The following BCL11B variants were observed in gnomAD, a reference collection of about 807,000 sequenced individuals.
BCL11B encodes B-cell lymphoma/leukemia 11B.
In BCL11B, 8 loss-of-function variants were observed where a neutral mutation model predicts 49.9. That is an observed-to-expected ratio of 0.16 (90% CI 0.09 to 0.29). BCL11B has a LOEUF of 0.29. BCL11B is among the 10% of genes least tolerant of loss of function. The probability of loss-of-function intolerance (pLI) is 1.00; values close to 1 mark genes in which losing one functional copy is unlikely to be tolerated. For synonymous variants in BCL11B, 739 were observed against 637.4 expected, an observed-to-expected ratio of 1.16 and a Z score of -2.40; for missense variants, 1,006 against 1,351.0, an observed-to-expected ratio of 0.74 and a Z score of 4.00.
intron 2 of BCL11B, among the ~76,000 whole-genome samples, chr14:99,237,231 TTTTTC>T (rs944722719): frequency 2.0e-5 from 3 of 146,684 alleles, no homozygotes; most frequent in Non-Finnish European, 4.4e-5. Flanking sequence ...CATTTCTTTT[TTTTTC>T]TTTTTTTTTT....
intron 2 of BCL11B, among the ~76,000 whole-genome samples, chr14:99,252,634 T>C (rs1326754427): frequency 6.6e-6 from 1 of 152,222 alleles, no homozygotes; most frequent in African/African-American, 2.4e-5. Context: ...GGCAGGGACA[T>C]CGCAGCCAGG....
In BCL11B at chr14:99,172,935, G is replaced by C. The variant is rs1394391217; in HGVS notation, c.*1216C>G. On this transcript the variant is annotated 3_prime_UTR_variant, in exon 4 of 4. Coordinates refer to ENST00000357195, the MANE Select transcript of BCL11B (RefSeq NM_138576.4). Reference sequence around the variant, plus strand: ...TTTCAGTAAAAGAGAATAGAAATTTGCAAGATCCCCACCCCACCCATCCCT... The same window carrying C: ...TTTCAGTAAAAGAGAATAGAAATTTCCAAGATCCCCACCCCACCCATCCCT... 4.6e-6 allele frequency: 1 copy of C among 219,008 alleles called. No homozygotes were observed. The highest frequency in any genetic ancestry group is 2.2e-5 in the African/African-American group (1 of 44,662). The allele number at this position is 219,008 out of a possible 1,614,324, so 13.6% of individuals were successfully genotyped here.
intron 3 of BCL11B, among the ~76,000 whole-genome samples, chr14:99,189,423 C>T (rs1477294965): frequency 6.6e-6 from 1 of 152,254 alleles, no homozygotes. Flanking sequence ...ACACTACATG[C>T]ACACACACAT....
chr14:99,235,087 G>A lies in BCL11B; in HGVS notation c.428-3530C>T, dbSNP rs530281808. 3.3e-5 allele frequency among the ~76,000 whole-genome samples: 5 copies of A among 152,234 alleles called. No homozygotes were observed. The South Asian group carries it at 6.2e-4, about 19-fold the overall frequency. ...GCGAACACGCCCACCGCCGAGGAGC[G>A]TGGAGACACAAAAACGCCTGGAAAA... On this transcript the variant is annotated intron_variant, in intron 2 of 3. Coordinates refer to ENST00000357195, the MANE Select transcript of BCL11B (RefSeq NM_138576.4).
At chr14:99,263,539 T>C (rs983394927) in intron 1 of BCL11B, among the ~76,000 whole-genome samples, 1 of 152,204 alleles carries the variant, frequency 6.6e-6, no homozygotes, top group African/African-American at 2.4e-5. Flanking sequence ...CCATACCTTC[T>C]GGTCTACAGA....
intron 1 of BCL11B, among the ~76,000 whole-genome samples, chr14:99,268,827 C>T (rs1425104783): frequency 6.6e-6 from 1 of 152,200 alleles, no homozygotes; most frequent in Non-Finnish European, 1.5e-5. Context: ...CTCTCCACCT[C>T]TCTTCTCCTT....
At chr14:99,243,024 T>C (rs1888715773) in intron 2 of BCL11B, among the ~76,000 whole-genome samples, 1 of 152,208 alleles carries the variant, frequency 6.6e-6, no homozygotes, top group Non-Finnish European at 1.5e-5. Flanking sequence ...GCTTGCTGTA[T>C]GCATTCCTCC....
chr14:99,269,714 C>T (rs2139981085), intron 1 of BCL11B, among the ~76,000 whole-genome samples: 1 of 150,562 alleles, frequency 6.6e-6, no homozygotes, highest in African/African-American at 2.4e-5. Flanking sequence ...CGGCTCTCGG[C>T]CGCCCGGCAG....
At position 99,173,467 on chromosome 14, in the gene BCL11B, C is replaced by T. The variant is rs943524236; in HGVS notation, c.*684G>A. The T allele has an allele frequency of 1.8e-5, 4 of 216,312 alleles. No individual in the cohort carries two copies. The highest frequency in any genetic ancestry group is 3.7e-5 in the Non-Finnish European group (4 of 107,396). 13.4% of individuals were successfully genotyped at this position (216,312 alleles called of 1,614,324 possible). On this transcript the variant is annotated 3_prime_UTR_variant, in exon 4 of 4. Coordinates refer to ENST00000357195, the MANE Select transcript of BCL11B (RefSeq NM_138576.4). ...ACTCGGGACGACATGAGTGCTACATCTCCATTCCAGTTCTGAAACAAAGTG... is the reference window on the plus strand; with the variant it reads ...ACTCGGGACGACATGAGTGCTACATTTCCATTCCAGTTCTGAAACAAAGTG...
intron 3 of BCL11B, among the ~76,000 whole-genome samples, chr14:99,198,441 G>A (rs991110476): frequency 4.6e-5 from 7 of 152,136 alleles, no homozygotes; most frequent in African/African-American, 1.2e-4. Flanking sequence ...TTCCCACATC[G>A]CTAGAAGTGC....
chr14:99,267,300 G>T (rs1889511421), intron 1 of BCL11B, among the ~76,000 whole-genome samples: 1 of 151,868 alleles, frequency 6.6e-6, no homozygotes, highest in South Asian at 2.1e-4. Context: ...GAAAAGAAAA[G>T]AAATATGCAT....
intron 1 of BCL11B, among the ~76,000 whole-genome samples, chr14:99,270,349 C>G (rs1191815478): frequency 1.3e-5 from 2 of 151,766 alleles, no homozygotes; most frequent in Non-Finnish European, 2.9e-5. Flanking sequence ...CACTCTCTTC[C>G]CACTCCTAAC....
intron 1 of BCL11B, among the ~76,000 whole-genome samples, chr14:99,259,052 T>C (rs1323873630): frequency 6.6e-6 from 1 of 152,126 alleles, no homozygotes; most frequent in Non-Finnish European, 1.5e-5. Context: ...AGGTTTCATA[T>C]TCCCCTCGGG....
chr14:99,256,253 C>T (rs568486194), intron 2 of BCL11B, among the ~76,000 whole-genome samples: 4 of 152,322 alleles, frequency 2.6e-5, no homozygotes, highest in South Asian at 2.1e-4. Context: ...TCAATGCACT[C>T]GTTTCCCCAG....
chr14:99,261,651 G>C (rs1477406924), intron 1 of BCL11B, among the ~76,000 whole-genome samples: 27 of 152,190 alleles, frequency 1.8e-4, no homozygotes, highest in Non-Finnish European at 3.4e-4. Context: ...CCTCTGAGAT[G>C]ATCTCTGCTT....
At chr14:99,266,295 C>T (rs747420966) in intron 1 of BCL11B, among the ~76,000 whole-genome samples, 11 of 152,160 alleles carry the variant, frequency 7.2e-5, no homozygotes, top group Non-Finnish European at 1.6e-4. Flanking sequence ...AGCAGCAACT[C>T]TCGACTGTTC....
rs564036489 is a variant in BCL11B, at chr14:99,174,799, G to A, written c.2037C>T (p.Pro679=). ...TGCGCTTGGCGGCGCTGTTGAGCCC[G>A]GGGCTGGGCAGCGGCGCGGGCTTGC... The part of the protein sequence containing the change: ...FPRKPAPLPS[P]GLNSAAKRIK... The change falls in exon 4 of 4, where the codon CCC becomes CCT. Residue 679 remains proline (P), a synonymous_variant. Transcript: ENST00000357195. The A allele has an allele frequency of 9.1e-6, 13 of 1,431,086 alleles. No individual in the cohort carries two copies. In the South Asian group the frequency reaches 1.2e-4, roughly 13 times the overall value. 88.6% of individuals were successfully genotyped at this position (1,431,086 alleles called of 1,614,324 possible).
rs543520908 is a variant in BCL11B, at chr14:99,242,647, G to A, written c.428-11090C>T. On this transcript the variant is annotated intron_variant, in intron 2 of 3. Transcript: ENST00000357195. The surrounding 1 kb of genome is among the most constrained non-coding windows in gnomAD (Gnocchi z 4.4). ...CCCAAAGTCTTGGCCCAGCCAGGGT[G>A]AACAAACCAAATACATAAAGAAAGC... Among the ~76,000 whole-genome samples the A allele has an allele frequency of 3.3e-5, 5 of 152,160 alleles. No homozygotes were observed. Among genetic ancestry groups the A allele is most frequent in the African/African-American group, 4.8e-5 (2 of 41,428 alleles).
In BCL11B at chr14:99,175,403, A is replaced by G; in HGVS notation, c.1433T>C (p.Met478Thr). The G allele has an allele frequency of 6.2e-7, 1 of 1,606,438 alleles. No individual in the cohort carries two copies. Among genetic ancestry groups the G allele is most frequent in the East Asian group, 2.2e-5 (1 of 44,452 alleles). ...SKLKRHMKTH[M>T]HKAGSLAGRS... ...GCCGGCCAGCGAGCCGGCCTTGTGC[A>G]TGTGCGTCTTCATGTGGCGCTTGAG... Residue 478 changes from methionine to threonine, a missense_variant, in exon 4 of 4, where the codon ATG becomes ACG. Met to Thr is a moderately conservative substitution (Grantham distance 81, BLOSUM62 -1). This residue lies in a region of BCL11B where 443 missense variants were observed against 499.7 expected (regional missense o/e 0.89). Coordinates refer to ENST00000357195, the MANE Select transcript of BCL11B (RefSeq NM_138576.4).
Sources: gnomAD v4.1 joint callset for allele counts (sites outside exome capture counted in the v4.1 genomes callset) on GRCh38, gnomAD v4.1.1 for gene constraint, gnomAD v4.1.1 regional missense constraint, Gnocchi (gnomAD v3.1) non-coding constraint, MANE v1.5 for transcripts, NCBI Gene and HGNC (gene_info 2026-07-23, HGNC 2026-07-21) for gene names.